Variants in RGPD2 observed in about 807,000 individuals in gnomAD.
RGPD2 encodes the protein RANBP2-like and GRIP domain-containing protein 2.
In RGPD2, 2 loss-of-function variants were observed where a neutral mutation model predicts 36.0. That is an observed-to-expected ratio of 0.06 (90% confidence interval 0.02 to 0.17). The LOEUF (loss-of-function observed/expected upper bound fraction) is 0.17, where lower values mean the gene tolerates loss of function less well. RGPD2 is among the 10% of genes least tolerant of loss of function. The probability of loss-of-function intolerance (pLI) is 1.00; values close to 1 mark genes in which losing one functional copy is unlikely to be tolerated. For missense variants in RGPD2, 40 were observed against 464.3 expected, an observed-to-expected ratio of 0.09 and a Z score of 8.40; for synonymous variants, 19 against 163.8, an observed-to-expected ratio of 0.12 and a Z score of 6.75.
the RGPD2 span, among the ~76,000 whole-genome samples, chr2:87,945,058 T>TA: frequency 6.6e-6 from 1 of 151,748 alleles, no homozygotes; most frequent in Non-Finnish European, 1.5e-5. Flanking sequence ...CATTGTTGTA[T>TA]AACCTACATA....
the RGPD2 span, among the ~76,000 whole-genome samples, chr2:87,856,994 A>G: frequency 2.0e-5 from 2 of 102,002 alleles, no homozygotes; most frequent in African/African-American, 2.8e-5. Context: ...TAACAAACTA[A>G]TGGCTCTTTT....
chr2:87,842,548 A>G, the RGPD2 span, among the ~76,000 whole-genome samples: 1 of 147,368 alleles, frequency 6.8e-6, no homozygotes, highest in Non-Finnish European at 1.5e-5. Context: ...CCACTGCTCA[A>G]TGAAATAAAA....
the RGPD2 span, among the ~76,000 whole-genome samples, chr2:87,864,617 G>GATACATAGATAC: frequency 1.5e-4 from 4 of 26,056 alleles, no homozygotes; most frequent in Admixed American, 2.4e-4. Context: ...TAGATAGATA[G>GATACATAGATAC]ATAGATACAT....
chr2:87,894,743 A>G, the RGPD2 span, among the ~76,000 whole-genome samples: 1 of 137,646 alleles, frequency 7.3e-6, no homozygotes, highest in Non-Finnish European at 1.6e-5. Context: ...CAAAAAGTTG[A>G]GCAGTGAAAA....
At chr2:87,957,323 A>G in the RGPD2 span, among the ~76,000 whole-genome samples, 3,382 of 140,990 alleles carry the variant, frequency 0.024, 123 homozygotes, top group African/African-American at 0.094. Flanking sequence ...TGCCAGCCAC[A>G]TGAAGACACA....
the RGPD2 span, among the ~76,000 whole-genome samples, chr2:87,979,230 TCCCCCTCC>T: frequency 0.89 from 118,430 of 133,686 alleles, 52,737 homozygotes; most frequent in East Asian, 0.99. Context: ...CAAGACTCTG[TCCCCCTCC>T]CCCAAAAAAA....
At chr2:87,919,082 G>A in the RGPD2 span, among the ~76,000 whole-genome samples, 1 of 149,932 alleles carries the variant, frequency 6.7e-6, no homozygotes, top group African/African-American at 2.5e-5. Flanking sequence ...ATGCTGGCAA[G>A]GGTGGTGGCA....
the RGPD2 span, among the ~76,000 whole-genome samples, chr2:87,883,978 A>G: frequency 6.6e-6 from 1 of 151,658 alleles, no homozygotes; most frequent in African/African-American, 2.4e-5. Context: ...ATTCCACCCA[A>G]TAGCAACAGG....
chr2:87,920,093 T>C, the RGPD2 span, among the ~76,000 whole-genome samples: 1 of 151,652 alleles, frequency 6.6e-6, no homozygotes, highest in Non-Finnish European at 1.5e-5. Context: ...ATTGAAGACA[T>C]CATGTATATA....
chr2:87,960,116 CGT>C, the RGPD2 span, among the ~76,000 whole-genome samples: 1 of 146,742 alleles, frequency 6.8e-6, no homozygotes, highest in East Asian at 2.0e-4. Flanking sequence ...TAAACATAGT[CGT>C]GTTTGTCTCC....
chr2:87,985,635 C>G, the RGPD2 span: 4 of 1,162,712 alleles, frequency 3.4e-6, no homozygotes, highest in South Asian at 2.6e-5. Flanking sequence ...GAATATGGTA[C>G]GCCTATTATG....
At chr2:87,841,431 A>T in the RGPD2 span, among the ~76,000 whole-genome samples, 34 of 152,312 alleles carry the variant, frequency 2.2e-4, no homozygotes, top group East Asian at 6.2e-3. Context: ...TAGCAATGTG[A>T]GAAAAACCTA....
At chr2:87,824,168 G>A (rs1310503212) in intron 1 of RGPD2, among the ~76,000 whole-genome samples, 2 of 148,768 alleles carry the variant, frequency 1.3e-5, no homozygotes, top group East Asian at 2.0e-4. Context: ...GACTACAGGC[G>A]CTGCCACCAC....
the RGPD2 span, among the ~76,000 whole-genome samples, chr2:87,915,119 C>T: frequency 6.6e-6 from 1 of 151,542 alleles, no homozygotes. Flanking sequence ...TGCACTCCAG[C>T]CTGGGCAACA....
intron 4 of RGPD2, among the ~76,000 whole-genome samples, chr2:87,815,271 T>C (rs1686253811): frequency 1.2e-5 from 1 of 86,892 alleles, no homozygotes; most frequent in African/African-American, 5.6e-5. Context: ...AGATTTTGAA[T>C]TTTTTCAGAC....
At chr2:87,924,887 T>C in the RGPD2 span, among the ~76,000 whole-genome samples, 1 of 74,296 alleles carries the variant, frequency 1.3e-5, no homozygotes, top group Middle Eastern at 4.7e-3. Context: ...TTATTTTAAT[T>C]TATTCTGAAA....
the RGPD2 span, among the ~76,000 whole-genome samples, chr2:87,870,112 G>T: frequency 3.3e-5 from 5 of 152,256 alleles, no homozygotes; most frequent in African/African-American, 1.2e-4. Context: ...TGATCTCTCT[G>T]CACATTGTCA....
At chr2:87,919,841 G>T in the RGPD2 span, among the ~76,000 whole-genome samples, 1 of 151,062 alleles carries the variant, frequency 6.6e-6, no homozygotes, top group African/African-American at 2.5e-5. Context: ...TTTGAAAATT[G>T]TGGAATTGAA....
intron 20 of RGPD2, among the ~76,000 whole-genome samples, chr2:87,781,514 G>A (rs1257289700): frequency 1.5e-4 from 22 of 145,728 alleles, no homozygotes; most frequent in African/African-American, 5.1e-4. Context: ...AGGCTGGAGT[G>A]CAGTGGCATG....
Sources: allele counts gnomAD v4.1 joint callset (sites outside exome capture counted in the v4.1 genomes callset), GRCh38; gene constraint gnomAD v4.1.1; transcripts MANE v1.5; gene names NCBI Gene and HGNC (gene_info 2026-07-23, HGNC 2026-07-21).